TRMT1L: variants seen among roughly 807,000 people sequenced by gnomAD.
The protein encoded by TRMT1L is tRNA methyltransferase 1L, also known as tRNA (guanine(27)-N(2))-dimethyltransferase.
Under a neutral mutation model 81.6 loss-of-function variants are expected in TRMT1L, and 28 were observed. The observed-to-expected ratio is 0.34, with a 90% CI of 0.25 to 0.47. TRMT1L has a LOEUF of 0.47. TRMT1L is among the 20% of genes least tolerant of loss of function. The pLI is 1.00. For missense variants in TRMT1L, 739 were observed against 877.1 expected, an observed-to-expected ratio of 0.84 and a Z score of 1.99; for synonymous variants, 301 against 303.2, an observed-to-expected ratio of 0.99 and a Z score of 0.07.
intron 11 of TRMT1L, among the ~76,000 whole-genome samples, chr1:185,127,550 G>A (rs905918940): frequency 3.3e-5 from 5 of 151,876 alleles, no homozygotes; most frequent in African/African-American, 1.2e-4. Context: ...TTGAGGTCGG[G>A]AGTTTGATAT....
intron 7 of TRMT1L, 58 bp from the exon 8 acceptor site, chr1:185,140,280 A>C: frequency 7.4e-7 from 1 of 1,342,454 alleles, no homozygotes; most frequent in Non-Finnish European, 1.0e-6. Flanking sequence ...AAAGAATAAA[A>C]ATGGTATAAC....
intron 3 of TRMT1L, among the ~76,000 whole-genome samples, chr1:185,149,903 A>G (rs1248848108): frequency 6.6e-6 from 1 of 152,186 alleles, no homozygotes; most frequent in Non-Finnish European, 1.5e-5. Context: ...TATCTGAAGT[A>G]GAAAATGGCT....
At chr1:185,131,073 C>T (rs1652757853) in intron 10 of TRMT1L, among the ~76,000 whole-genome samples, 1 of 151,974 alleles carries the variant, frequency 6.6e-6, no homozygotes, top group South Asian at 2.1e-4. Context: ...GATCTTGGCT[C>T]ACTGCAAGCT....
chr1:185,150,435 T>C lies in TRMT1L; in HGVS notation c.404A>G (p.His135Arg). 5.6e-6 allele frequency: 9 copies of C among 1,613,820 alleles called. No individual in the cohort carries two copies. Among genetic ancestry groups the C allele is most frequent in the Non-Finnish European group, 6.8e-6 (8 of 1,179,890 alleles). The part of the protein sequence containing the change: ...PKEKFRACNS[H>R]KLRRHLQNLH... ...ATTCTGGAGGTGACGACGAAGCTTATGGCTATTACAAGCTCTGAATTTTTC... is the reference window on the plus strand; with the variant it reads ...ATTCTGGAGGTGACGACGAAGCTTACGGCTATTACAAGCTCTGAATTTTTC... The change falls in exon 3 of 15, where the codon CAT becomes CGT. Residue 135 changes from histidine (H) to arginine (R), a missense_variant. Around this residue, in one of 4 missense-constraint regions of TRMT1L, gnomAD observed 209 missense variants for 165.4 expected, o/e 1.26. Transcript: ENST00000367506.
chr1:185,153,822 A>G (rs1653424810), intron 1 of TRMT1L, among the ~76,000 whole-genome samples: 1 of 152,174 alleles, frequency 6.6e-6, no homozygotes, highest in Non-Finnish European at 1.5e-5. Flanking sequence ...GGGCTCTCTA[A>G]TATTATGTTA....
At chr1:185,131,144 T>C (rs1652760433) in intron 10 of TRMT1L, among the ~76,000 whole-genome samples, 1 of 151,920 alleles carries the variant, frequency 6.6e-6, no homozygotes, top group South Asian at 2.1e-4. Context: ...GGACTATTGG[T>C]GCCCGCCACC....
In TRMT1L at chr1:185,119,932, T is replaced by A; in HGVS notation, c.*87A>T. ...TGTTTTTTATTTTTACTCTACTGAA[T>A]TGAAAGAACAGAAAAAGAACTACAG... On this transcript the variant is annotated 3_prime_UTR_variant, in exon 15 of 15. Coordinates refer to ENST00000367506, the MANE Select transcript of TRMT1L (RefSeq NM_030934.5). The A allele has an allele frequency of 7.3e-7, 1 of 1,373,110 alleles. No homozygotes were observed. Among genetic ancestry groups the A allele is most frequent in the East Asian group, 2.4e-5 (1 of 41,586 alleles). The allele number at this position is 1,373,110 out of a possible 1,614,324, so 85.1% of individuals were successfully genotyped here.
At chr1:185,133,155 A>G (rs1652815072) in intron 10 of TRMT1L, among the ~76,000 whole-genome samples, 1 of 152,270 alleles carries the variant, frequency 6.6e-6, no homozygotes, top group African/African-American at 2.4e-5. Context: ...GGTAACAAGC[A>G]CAGTAAGTAT....
chr1:185,145,136 T>C (rs1261503434), intron 5 of TRMT1L, among the ~76,000 whole-genome samples: 1 of 151,930 alleles, frequency 6.6e-6, no homozygotes, highest in African/African-American at 2.4e-5. Context: ...AATACATACA[T>C]GACAGTTAAG....
rs1422849248 is a variant in TRMT1L at position 185,141,009 on chromosome 1, C to T, written c.860-787G>A. ...AACAACAAAAACAAAAACAAAAAAG[C>T]GAATGATTAGAGGAAGAATTCAGAC... On this transcript the variant is annotated intron_variant, in intron 7 of 14. Coordinates refer to ENST00000367506, the MANE Select transcript of TRMT1L (RefSeq NM_030934.5). Among the ~76,000 whole-genome samples, 5 of 150,640 alleles carry T rather than the reference C, an allele frequency of 3.3e-5. No homozygotes were observed. In the East Asian group the frequency reaches 7.8e-4, roughly 24 times the overall value.
At chr1:185,137,990 G>T (rs566682489) in intron 9 of TRMT1L, among the ~76,000 whole-genome samples, 194 bp from the exon 10 acceptor site, 1 of 152,234 alleles carries the variant, frequency 6.6e-6, no homozygotes, top group South Asian at 2.1e-4. Context: ...GGAAATAAAA[G>T]ATGCTTGGGA....
chr1:185,128,965 T>TA (rs1652703354), intron 10 of TRMT1L, among the ~76,000 whole-genome samples: 4 of 152,110 alleles, frequency 2.6e-5, no homozygotes, highest in Admixed American at 2.6e-4. Flanking sequence ...CATATATATA[T>TA]TTTTTTAATT....
At chr1:185,151,795 G>GAAAA in intron 2 of TRMT1L, 30 bp downstream of exon 2, 3 of 1,154,680 alleles carry the variant, frequency 2.6e-6, no homozygotes, top group Admixed American at 2.9e-5. Flanking sequence ...TAGAAACTAA[G>GAAAA]AAAAAAAAAA....
rs892378986 is a variant in TRMT1L at position 185,147,361 on chromosome 1, A to G, written c.461-115T>C. ...GTATTACCCTTACATTTGTAATGTCATAATTACTCAAATGAGATTGCTTTA... is the reference window on the plus strand; with the variant it reads ...GTATTACCCTTACATTTGTAATGTCGTAATTACTCAAATGAGATTGCTTTA... On this transcript the variant is annotated intron_variant, in intron 3 of 14. Transcript: ENST00000367506. The G allele has an allele frequency of 4.1e-6, 3 of 726,796 alleles. No individual in the cohort carries two copies. The African/African-American group carries it at 5.4e-5, about 13-fold the overall frequency. 45.0% of individuals were successfully genotyped at this position (726,796 alleles called of 1,614,324 possible). A position where few individuals can be genotyped will look rare whatever the true frequency, so the allele number is the denominator to read the frequency against.
intron 9 of TRMT1L, among the ~76,000 whole-genome samples, chr1:185,138,809 CAG>C (rs796328075): frequency 2.0e-5 from 3 of 152,278 alleles, no homozygotes; most frequent in African/African-American, 7.2e-5. Context: ...CTTTCTGAGG[CAG>C]AGTCTCACTA....
chr1:185,156,371 C>A, intron 1 of TRMT1L, 107 bp downstream of exon 1: 1 of 1,610,814 alleles, frequency 6.2e-7, no homozygotes, highest in Non-Finnish European at 8.5e-7. Context: ...TTTTCCTAAA[C>A]CTGCCTTGCC....
intron 9 of TRMT1L, 53 bp downstream of exon 9, chr1:185,139,314 C>G: frequency 7.0e-7 from 1 of 1,433,496 alleles, no homozygotes; most frequent in South Asian, 1.2e-5. Context: ...GTAATATTAT[C>G]TCTTTTTATC....
intron 1 of TRMT1L, among the ~76,000 whole-genome samples, chr1:185,152,401 CA>C (rs994058644): frequency 2.0e-5 from 3 of 152,208 alleles, no homozygotes; most frequent in Admixed American, 2.0e-4. Context: ...CATGCCACCC[CA>C]CCCTTGGCTG....
chr1:185,126,772 G>A (rs1652640759), intron 11 of TRMT1L, among the ~76,000 whole-genome samples: 1 of 152,176 alleles, frequency 6.6e-6, no homozygotes, highest in Admixed American at 6.5e-5. Flanking sequence ...TCGGGAGGCC[G>A]AGGTGGGTGG....
Sources: gnomAD v4.1 joint callset for allele counts (sites outside exome capture counted in the v4.1 genomes callset) on GRCh38, gnomAD v4.1.1 for gene constraint, gnomAD v4.1.1 regional missense constraint, MANE v1.5 for transcripts, NCBI Gene and HGNC (gene_info 2026-07-23, HGNC 2026-07-21) for gene names.